UMAD1: variants seen among roughly 807,000 people sequenced by gnomAD.
UMAD1 encodes the protein UBAP1-MVB12-associated (UMA)-domain containing protein 1.
In UMAD1, 8 loss-of-function variants were observed where a neutral mutation model predicts 6.1. The ratio of observed to expected loss-of-function variants is 1.30; its 90% confidence interval spans 0.76 to 2.35. UMAD1 has a LOEUF of 2.35. Among genes scored for constraint, UMAD1 ranks in the 30% most tolerant of loss-of-function variants. The pLI is 0.00. For synonymous variants in UMAD1, 56 were observed against 31.4 expected (o/e 1.78, Z -2.61); for missense variants, 130 against 78.4 (o/e 1.66, Z -2.49).
intron 2 of UMAD1, among the ~76,000 whole-genome samples, chr7:7,754,235 G>A (rs1372686752): frequency 1.3e-5 from 2 of 151,806 alleles, no homozygotes; most frequent in African/African-American, 4.8e-5. Flanking sequence ...AGTGTACAGG[G>A]GTTCCCTTTT....
intron 2 of UMAD1, among the ~76,000 whole-genome samples, chr7:7,682,151 C>G (rs1026704481): frequency 1.3e-5 from 2 of 152,132 alleles, no homozygotes; most frequent in African/African-American, 4.8e-5. Context: ...TATGCAGGTG[C>G]TTCTTCAAGT....
At chr7:7,868,382 TA>T (rs1431855756) in intron 3 of UMAD1, 1 of 152,156 alleles carries the variant, frequency 6.6e-6, no homozygotes, top group Non-Finnish European at 1.5e-5. Context: ...TTTCCAAGAA[TA>T]CATGGAACAG....
rs188410033 is a variant in UMAD1 at position 7,691,479 on chromosome 7, C to A, written c.82+18026C>A. Among the ~76,000 whole-genome samples the A allele has an allele frequency of 3.0e-4, 46 of 152,284 alleles. 2 individuals carry two copies. Among genetic ancestry groups the A allele is most frequent in the Non-Finnish European group, 5.4e-4 (37 of 68,034 alleles). ...AATATCAGTATTTACTACTGTCCTG[C>A]AAAGAGCATTTTGACTTCAAGCCTT... On this transcript the variant is annotated intron_variant, in intron 2 of 3. Coordinates refer to ENST00000682710, the MANE Select transcript of UMAD1 (RefSeq NM_001302348.2).
At chr7:7,836,781 A>G (rs936778073) in intron 3 of UMAD1, among the ~76,000 whole-genome samples, 1 of 152,006 alleles carries the variant, frequency 6.6e-6, no homozygotes, top group East Asian at 1.9e-4. Context: ...GCTAGAAAAC[A>G]GATCTGAAGG....
intron 2 of UMAD1, among the ~76,000 whole-genome samples, chr7:7,756,182 C>G (rs1256118265): frequency 2.0e-5 from 3 of 152,154 alleles, no homozygotes; most frequent in Non-Finnish European, 4.4e-5. Context: ...TGAAGATAGC[C>G]TTTTCTGTGG....
chr7:7,691,393 A>T (rs993945671), intron 2 of UMAD1, among the ~76,000 whole-genome samples: 2 of 152,238 alleles, frequency 1.3e-5, no homozygotes, highest in Non-Finnish European at 2.9e-5. Flanking sequence ...TAGCAATTTA[A>T]ACTTAGAATT....
rs566698956 is a variant in UMAD1 at position 7,681,957 on chromosome 7, C to A, written c.82+8504C>A. Among the ~76,000 whole-genome samples, 12 of 152,002 alleles carry A rather than the reference C, an allele frequency of 7.9e-5. No individual in the cohort carries two copies. In the South Asian group the frequency reaches 2.5e-3, roughly 32 times the overall value. Reference sequence around the variant, plus strand: ...TTATAGCAAAAAGAAGGAAAAATAACAACAAAAAGTAATAGGATATAAATG... The same window carrying A: ...TTATAGCAAAAAGAAGGAAAAATAAAAACAAAAAGTAATAGGATATAAATG... On this transcript the variant is annotated intron_variant, in intron 2 of 3. Coordinates refer to ENST00000682710, the MANE Select transcript of UMAD1 (RefSeq NM_001302348.2).
intron 3 of UMAD1, among the ~76,000 whole-genome samples, chr7:7,874,947 T>C (rs1784389597): frequency 6.6e-6 from 1 of 152,138 alleles, no homozygotes. Flanking sequence ...AAGTATTTTG[T>C]ATTTTTAGTA....
intron 3 of UMAD1, among the ~76,000 whole-genome samples, chr7:7,847,282 A>G (rs944053202): frequency 2.6e-5 from 4 of 151,022 alleles, no homozygotes; most frequent in African/African-American, 9.7e-5. Context: ...TGAGCAAACC[A>G]AGATGGTTTT....
At chr7:7,677,826 A>T (rs1691810029) in intron 2 of UMAD1, among the ~76,000 whole-genome samples, 1 of 150,706 alleles carries the variant, frequency 6.6e-6, no homozygotes, top group Non-Finnish European at 1.5e-5. Flanking sequence ...GGCGCCCGCC[A>T]CTACGCCCGG....
chr7:7,873,242 G>A (rs1480015455), intron 3 of UMAD1, among the ~76,000 whole-genome samples: 1 of 152,196 alleles, frequency 6.6e-6, no homozygotes, highest in East Asian at 1.9e-4. Flanking sequence ...AAGCAGCGTG[G>A]TTCTGGAATC....
intron 2 of UMAD1, among the ~76,000 whole-genome samples, chr7:7,727,729 A>G (rs962155584): frequency 6.6e-6 from 1 of 152,190 alleles, no homozygotes; most frequent in African/African-American, 2.4e-5. Context: ...CTCCCAGCCT[A>G]CATCTTTCTC....
rs974127018 is a variant in UMAD1, at chr7:7,656,888, A to T, written c.-64+16067A>T. The stretch of plus-strand genomic sequence containing the variant: ...GTTTCTAGATCCTTGAGGAATCACC[A>T]CACTGACTTCCACAATGGTTGAACT... On this transcript the variant is annotated intron_variant, in intron 1 of 3. Coordinates refer to ENST00000682710, the MANE Select transcript of UMAD1 (RefSeq NM_001302348.2). 4.6e-5 allele frequency among the ~76,000 whole-genome samples: 7 copies of T among 152,360 alleles called. No homozygotes were observed. In the South Asian group the frequency reaches 1.4e-3, roughly 32 times the overall value.
At chr7:7,776,774 C>G (rs1449744587) in intron 2 of UMAD1, among the ~76,000 whole-genome samples, 1 of 152,158 alleles carries the variant, frequency 6.6e-6, no homozygotes. Context: ...TCTGATCACC[C>G]TATCTAAATG....
At chr7:7,741,476 C>G (rs939282900) in intron 2 of UMAD1, among the ~76,000 whole-genome samples, 7 of 151,614 alleles carry the variant, frequency 4.6e-5, no homozygotes, top group African/African-American at 1.7e-4. Flanking sequence ...ACCCGGGAGG[C>G]TGAGGCAGGA....
intron 3 of UMAD1, among the ~76,000 whole-genome samples, chr7:7,855,348 A>G (rs956811986): frequency 2.6e-5 from 4 of 152,250 alleles, no homozygotes; most frequent in Admixed American, 6.5e-5. Flanking sequence ...CCCTGCAGCA[A>G]ACTTCTGTCT....
chr7:7,804,936 A>C (rs1021041501), intron 3 of UMAD1, among the ~76,000 whole-genome samples: 2 of 152,020 alleles, frequency 1.3e-5, no homozygotes, highest in African/African-American at 4.8e-5. Context: ...AGCCGAGATC[A>C]CACCACTGCA....
intron 3 of UMAD1, among the ~76,000 whole-genome samples, chr7:7,839,298 A>G (rs912604609): frequency 6.6e-6 from 1 of 152,020 alleles, no homozygotes; most frequent in Non-Finnish European, 1.5e-5. Context: ...TGCTGCCTCA[A>G]TCTCCTGGGC....
chr7:7,797,179 G>A (rs1163491071), intron 2 of UMAD1, among the ~76,000 whole-genome samples: 2 of 152,138 alleles, frequency 1.3e-5, no homozygotes, highest in African/African-American at 2.4e-5. Flanking sequence ...AAGAGTGGAA[G>A]CAAGAGAAAT....
Sources: allele counts gnomAD v4.1 joint callset (sites outside exome capture counted in the v4.1 genomes callset), GRCh38; gene constraint gnomAD v4.1.1; transcripts MANE v1.5; gene names NCBI Gene and HGNC (gene_info 2026-07-23, HGNC 2026-07-21).